CNTFR: variants seen among roughly 807,000 people sequenced by gnomAD.
CNTFR encodes the protein ciliary neurotrophic factor receptor subunit alpha.
Under a neutral mutation model 40.4 loss-of-function variants are expected in CNTFR, and 12 were observed. The ratio of observed to expected loss-of-function variants is 0.30; its 90% CI spans 0.19 to 0.48. CNTFR has a LOEUF of 0.48. CNTFR is among the 20% of genes least tolerant of loss of function. CNTFR has a pLI of 0.99. For missense variants in CNTFR, 414 were observed against 506.8 expected (o/e 0.82, Z 1.76); for synonymous variants, 202 against 209.6 (o/e 0.96, Z 0.31).
chr9:34,587,476 T>C (rs1827593881), intron 1 of CNTFR, among the ~76,000 whole-genome samples: 1 of 152,080 alleles, frequency 6.6e-6, no homozygotes, highest in African/African-American at 2.4e-5. Context: ...TATGAGTCTA[T>C]GTGTGAGCTC....
chr9:34,561,754 T>G (rs1826086571), intron 4 of CNTFR, among the ~76,000 whole-genome samples: 1 of 152,232 alleles, frequency 6.6e-6, no homozygotes, highest in Non-Finnish European at 1.5e-5. Flanking sequence ...GAAGGATAAT[T>G]TGATACTGAG....
At position 34,557,680 on chromosome 9, in the gene CNTFR, T is replaced by G. The variant is rs753488328; in HGVS notation, c.450A>C (p.Lys150Asn). The change falls in exon 6 of 10, where the codon AAA becomes AAC. Residue 150 changes from lysine (K) to asparagine (N), a missense_variant. Around this residue, in one of 3 missense-constraint regions of CNTFR, gnomAD observed 250 missense variants for 269.5 expected, o/e 0.93. Transcript: ENST00000378980. The surrounding 1 kb of genome is among the most constrained non-coding windows in gnomAD (Gnocchi z 4.2). ...TFNVTVLHGS[K>N]IMVCEKDPAL... ...CTGGGTCCTTCTCACAGACCATAAT[T>G]TTGGAGCCATGCCTGGGGAGAGGTG... 2 of 1,613,882 alleles carry G rather than the reference T, an allele frequency of 1.2e-6. No homozygotes were observed. Among genetic ancestry groups the G allele is most frequent in the Non-Finnish European group, 1.7e-6 (2 of 1,180,002 alleles).
chr9:34,552,495 C>A lies in CNTFR; in HGVS notation c.950-166G>T. Among the ~76,000 whole-genome samples, 1 of 152,150 alleles carries A rather than the reference C, an allele frequency of 6.6e-6. No individual in the cohort carries two copies. Among genetic ancestry groups the A allele is most frequent in the East Asian group, 1.9e-4 (1 of 5,198 alleles). ...CACAGATAACCCCTCCACCCAATGA[C>A]CCCTACCAAGGATGTCCAGATAGCA... is the stretch of plus-strand genomic sequence containing the variant. On this transcript the variant is annotated intron_variant, in intron 8 of 9. Transcript: ENST00000378980. This position sits in a 1 kb window ranked among gnomAD's most constrained non-coding sequence, Gnocchi z 5.1.
At chr9:34,586,375 C>T (rs939820959) in intron 1 of CNTFR, among the ~76,000 whole-genome samples, 10 of 152,144 alleles carry the variant, frequency 6.6e-5, no homozygotes, top group African/African-American at 2.4e-4. Flanking sequence ...AGGGTGGGAT[C>T]CCGTCTCCTC....
At chr9:34,583,206 T>G (rs1040318741) in intron 1 of CNTFR, among the ~76,000 whole-genome samples, 2 of 152,160 alleles carry the variant, frequency 1.3e-5, no homozygotes, top group Non-Finnish European at 2.9e-5. Context: ...GAGGCCATAC[T>G]CCCAATTTGA....
chr9:34,552,430 T>A lies in CNTFR; in HGVS notation c.950-101A>T. The A allele has an allele frequency of 7.8e-7, 1 of 1,276,808 alleles. No homozygotes were observed. 79.1% of individuals were successfully genotyped at this position (1,276,808 alleles called of 1,614,324 possible). On this transcript the variant is annotated intron_variant, in intron 8 of 9. Coordinates refer to ENST00000378980, the MANE Select transcript of CNTFR (RefSeq NM_147164.3). This position sits in a 1 kb window ranked among gnomAD's most constrained non-coding sequence, Gnocchi z 5.1. ...CATTCTGCTTCCTGCATCAGACTGG[T>A]ACTGCCTCCCCCATCAGGCAGATCC...
intron 2 of CNTFR, among the ~76,000 whole-genome samples, chr9:34,576,796 C>T (rs930694693): frequency 6.6e-6 from 1 of 152,224 alleles, no homozygotes; most frequent in Non-Finnish European, 1.5e-5. Flanking sequence ...CTTCCCTCAT[C>T]ACCCTCTCTT....
At chr9:34,574,229 C>A (rs1043928903) in intron 2 of CNTFR, among the ~76,000 whole-genome samples, 1 of 152,130 alleles carries the variant, frequency 6.6e-6, no homozygotes, top group African/African-American at 2.4e-5. Flanking sequence ...AGGTCAGGGG[C>A]CAGCTCGTGG....
At position 34,557,841 on chromosome 9, in the gene CNTFR, C is replaced by G. The variant is rs760588639; in HGVS notation, c.437+26G>C. ...GGAGAGGTCAGAGGTCAGGGCTGGA[C>G]CCGGGTCACAGGCGCAGCTACTCAC... On this transcript the variant is annotated intron_variant, in intron 5 of 9. Coordinates refer to ENST00000378980, the MANE Select transcript of CNTFR (RefSeq NM_147164.3). This position sits in a 1 kb window ranked among gnomAD's most constrained non-coding sequence, Gnocchi z 4.2. The G allele has an allele frequency of 4.5e-6, 7 of 1,554,734 alleles. No homozygotes were observed. The African/African-American group carries it at 9.5e-5, about 21-fold the overall frequency.
chr9:34,561,940 G>C (rs1340934925), intron 4 of CNTFR, among the ~76,000 whole-genome samples: 1 of 152,222 alleles, frequency 6.6e-6, no homozygotes, highest in Non-Finnish European at 1.5e-5. Flanking sequence ...AGGGCCTGGA[G>C]GGCAGTGAGC....
chr9:34,562,103 C>T (rs1283253328), intron 4 of CNTFR, among the ~76,000 whole-genome samples: 3 of 152,242 alleles, frequency 2.0e-5, no homozygotes, highest in Admixed American at 6.5e-5. Context: ...CCAGGGTCAT[C>T]AAGGCCCAGC....
At chr9:34,556,937 C>T (rs558703566) in intron 6 of CNTFR, among the ~76,000 whole-genome samples, 177 of 152,234 alleles carry the variant, frequency 1.2e-3, no homozygotes, top group Non-Finnish European at 2.1e-3. Flanking sequence ...CTGATGAGCG[C>T]GCCTAAGGGC....
chr9:34,564,376 C>T (rs543689477), intron 4 of CNTFR, among the ~76,000 whole-genome samples: 2 of 152,280 alleles, frequency 1.3e-5, no homozygotes, highest in South Asian at 2.1e-4. Flanking sequence ...AAGACCTCCA[C>T]GGGGGTGGGA....
rs1480144573 is a variant in CNTFR, at chr9:34,557,821, G to C, written c.437+46C>G. ...GGGCATGGTGGTGGGATGGGGGAGA[G>C]GTCAGAGGTCAGGGCTGGACCCGGG... is the stretch of plus-strand genomic sequence containing the variant. On this transcript the variant is annotated intron_variant, in intron 5 of 9. Transcript: ENST00000378980. This position sits in a 1 kb window ranked among gnomAD's most constrained non-coding sequence, Gnocchi z 4.2. The C allele has an allele frequency of 1.3e-6, 2 of 1,541,240 alleles. No individual in the cohort carries two copies. Among genetic ancestry groups the C allele is most frequent in the Non-Finnish European group, 8.9e-7 (1 of 1,128,498 alleles).
chr9:34,567,950 G>T (rs1018962628), intron 3 of CNTFR: 3 of 152,224 alleles, frequency 2.0e-5, no homozygotes, highest in Admixed American at 1.3e-4. Flanking sequence ...ATCTCTCCGG[G>T]TCTCACTGAT....
At chr9:34,573,906 A>T (rs1365428256) in intron 2 of CNTFR, among the ~76,000 whole-genome samples, 1 of 152,246 alleles carries the variant, frequency 6.6e-6, no homozygotes, top group African/African-American at 2.4e-5. Flanking sequence ...ATGGAGAAGG[A>T]AATGAGAGAC....
intron 2 of CNTFR, chr9:34,569,371 G>T (rs1826471782): frequency 4.6e-6 from 1 of 217,494 alleles, no homozygotes. Flanking sequence ...AACTGCAAAT[G>T]AGTTACAGAA....
rs1319781124 is a variant in CNTFR, at chr9:34,557,725, A to G, written c.438-33T>C. The G allele has an allele frequency of 6.2e-7, 1 of 1,613,556 alleles. No homozygotes were observed. The highest frequency in any genetic ancestry group is 1.1e-5 in the South Asian group (1 of 91,070). ...GAGGTGAGACCCAGGCACTGTTACG[A>G]ACATCAAGGGTCAGGTGGGGCAGAG... is the stretch of plus-strand genomic sequence containing the variant. On this transcript the variant is annotated intron_variant, in intron 5 of 9. Transcript: ENST00000378980. This position sits in a 1 kb window ranked among gnomAD's most constrained non-coding sequence, Gnocchi z 4.2.
At chr9:34,576,798 C>A (rs1826987828) in intron 2 of CNTFR, among the ~76,000 whole-genome samples, 2 of 152,222 alleles carry the variant, frequency 1.3e-5, no homozygotes, top group Non-Finnish European at 2.9e-5. Context: ...TCCCTCATCA[C>A]CCTCTCTTCC....
Sources: gnomAD v4.1 joint callset for allele counts (sites outside exome capture counted in the v4.1 genomes callset) on GRCh38, gnomAD v4.1.1 for gene constraint, gnomAD v4.1.1 regional missense constraint, Gnocchi (gnomAD v3.1) non-coding constraint, MANE v1.5 for transcripts, NCBI Gene and HGNC (gene_info 2026-07-23, HGNC 2026-07-21) for gene names.